The following EPHA6 variants were observed in gnomAD, a reference collection of about 807,000 sequenced individuals.
The protein encoded by EPHA6 is EPH receptor A6.
A neutral mutation model predicts 112.0 loss-of-function variants in EPHA6; 50 were observed. That is an observed-to-expected ratio of 0.45 (90% CI 0.36 to 0.56). EPHA6 has a LOEUF of 0.56. Among genes scored for constraint, EPHA6 ranks in the 20% least tolerant of loss-of-function variants. The probability of loss-of-function intolerance (pLI) is 0.00; values close to 1 mark genes in which losing one functional copy is unlikely to be tolerated. For missense variants in EPHA6, 1,280 were observed against 1,417.4 expected, an observed-to-expected ratio of 0.90 and a Z score of 1.56; for synonymous variants, 529 against 490.7, an observed-to-expected ratio of 1.08 and a Z score of -1.03.
chr3:97,472,601 C>T (rs777035041), intron 7 of EPHA6, among the ~76,000 whole-genome samples: 7 of 151,838 alleles, frequency 4.6e-5, no homozygotes, highest in South Asian at 4.1e-4. Flanking sequence ...TATGATAAAA[C>T]GCAAAAATTA....
At chr3:97,219,936 C>G (rs1166072602) in intron 3 of EPHA6, among the ~76,000 whole-genome samples, 1 of 152,180 alleles carries the variant, frequency 6.6e-6, no homozygotes, top group Non-Finnish European at 1.5e-5. Flanking sequence ...TTTAAGAGCA[C>G]CCAAGTAACA....
At chr3:97,466,165 T>A in intron 7 of EPHA6, 1 of 654,790 alleles carries the variant, frequency 1.5e-6, no homozygotes, top group Non-Finnish European at 2.8e-6. Context: ...TAAGCACATT[T>A]CCACTCCATT....
intron 5 of EPHA6, among the ~76,000 whole-genome samples, chr3:97,356,302 G>A (rs2084075339): frequency 6.6e-6 from 1 of 152,202 alleles, no homozygotes; most frequent in Admixed American, 6.5e-5. Context: ...ATTATGGTGA[G>A]CTGTATAATT....
chr3:97,326,132 T>C (rs2082408615), intron 5 of EPHA6, among the ~76,000 whole-genome samples: 1 of 152,042 alleles, frequency 6.6e-6, no homozygotes, highest in Admixed American at 6.6e-5. Context: ...TGAGTCACTA[T>C]ATTAAGAATA....
intron 2 of EPHA6, among the ~76,000 whole-genome samples, chr3:96,965,437 AT>A (rs1234177414): frequency 6.6e-6 from 1 of 152,064 alleles, no homozygotes; most frequent in Non-Finnish European, 1.5e-5. Flanking sequence ...GAGTGTGTGA[AT>A]CTTCTCATAT....
At chr3:96,883,596 G>A (rs557863384) in intron 2 of EPHA6, among the ~76,000 whole-genome samples, 137 of 152,228 alleles carry the variant, frequency 9.0e-4, no homozygotes, top group South Asian at 8.5e-3. Context: ...TTTGTATAAG[G>A]TGAGAGATGA....
intron 2 of EPHA6, among the ~76,000 whole-genome samples, chr3:96,951,288 A>AT (rs1453664532): frequency 6.6e-6 from 1 of 152,154 alleles, no homozygotes; most frequent in African/African-American, 2.4e-5. Flanking sequence ...TAGTGACATA[A>AT]AGAAATCAAA....
At chr3:97,614,417 C>T (rs2093746353) in intron 13 of EPHA6, among the ~76,000 whole-genome samples, 1 of 150,200 alleles carries the variant, frequency 6.7e-6, no homozygotes, top group Admixed American at 6.6e-5. Flanking sequence ...TCACTGCAAC[C>T]TCCGCCTCCC....
chr3:96,819,443 T>C (rs58266237), intron 1 of EPHA6, among the ~76,000 whole-genome samples: 6,174 of 152,100 alleles, frequency 0.041, 373 homozygotes, highest in African/African-American at 0.13. Flanking sequence ...CTCTCTCTCT[T>C]TCTCTCTCCC....
intron 3 of EPHA6, among the ~76,000 whole-genome samples, chr3:97,191,650 C>G (rs1416696509): frequency 6.6e-6 from 1 of 152,060 alleles, no homozygotes; most frequent in Non-Finnish European, 1.5e-5. Flanking sequence ...GTGACAGAAT[C>G]TCATTTTCTT....
chr3:97,250,865 CTTTTT>C (rs527843716), intron 5 of EPHA6, among the ~76,000 whole-genome samples: 9 of 146,574 alleles, frequency 6.1e-5, no homozygotes, highest in Admixed American at 4.8e-4. Flanking sequence ...TTGATATTTT[CTTTTT>C]TTTTTTCTCT....
chr3:96,927,836 G>A (rs1048986127), intron 2 of EPHA6, among the ~76,000 whole-genome samples: 3 of 152,086 alleles, frequency 2.0e-5, no homozygotes, highest in African/African-American at 7.2e-5. Flanking sequence ...TTTTCACACT[G>A]CTATAAAGAT....
chr3:96,850,492 A>G (rs2107367298), intron 1 of EPHA6, among the ~76,000 whole-genome samples: 1 of 152,196 alleles, frequency 6.6e-6, no homozygotes, highest in Non-Finnish European at 1.5e-5. Flanking sequence ...AGAAGTTGAA[A>G]ATGACTAATT....
At chr3:97,295,582 A>T (rs1559859009) in intron 5 of EPHA6, among the ~76,000 whole-genome samples, 2 of 143,662 alleles carry the variant, frequency 1.4e-5, no homozygotes. Context: ...TTATCAATTT[A>T]TTTTTCATTG....
intron 5 of EPHA6, among the ~76,000 whole-genome samples, chr3:97,282,693 T>C (rs927455607): frequency 6.6e-6 from 1 of 151,952 alleles, no homozygotes; most frequent in African/African-American, 2.4e-5. Context: ...GCAGGGACAA[T>C]GGATGAAGCT....
intron 3 of EPHA6, among the ~76,000 whole-genome samples, chr3:97,064,738 G>A (rs553578031): frequency 6.6e-6 from 1 of 152,232 alleles, no homozygotes; most frequent in South Asian, 2.1e-4. Context: ...GATACCAAGT[G>A]ATACTGGTCA....
chr3:97,722,209 C>G lies in EPHA6; in HGVS notation c.2934+1799C>G, dbSNP rs114657184. On this transcript the variant is annotated intron_variant, in intron 15 of 17. Coordinates refer to ENST00000389672, the MANE Select transcript of EPHA6 (RefSeq NM_001080448.3). ...AATATACTGGTATCAGTAAGAAGTT[C>G]TTGAGCATCCATAGATGGCATATGT... Among the ~76,000 whole-genome samples, 405 of 152,240 alleles carry G rather than the reference C, an allele frequency of 2.7e-3. 1 individual carries two copies. Among genetic ancestry groups the G allele is most frequent in the Middle Eastern group, 0.017 (5 of 294 alleles).
chr3:97,083,732 A>G (rs1196523119), intron 3 of EPHA6, among the ~76,000 whole-genome samples: 1 of 151,970 alleles, frequency 6.6e-6, no homozygotes, highest in African/African-American at 2.4e-5. Flanking sequence ...TTTCACTTTC[A>G]GAAATTTATT....
chr3:97,723,158 C>T (rs566993056), intron 15 of EPHA6, among the ~76,000 whole-genome samples: 111 of 152,130 alleles, frequency 7.3e-4, no homozygotes, highest in Middle Eastern at 6.8e-3. Context: ...GCAGAGGTGC[C>T]AAGAATTAGA....
Sources: allele counts gnomAD v4.1 joint callset (sites outside exome capture counted in the v4.1 genomes callset), GRCh38; gene constraint gnomAD v4.1.1; transcripts MANE v1.5; gene names NCBI Gene and HGNC (gene_info 2026-07-23, HGNC 2026-07-21).